Variants in HUWE1 observed in about 807,000 individuals in gnomAD.
HUWE1 encodes E3 ubiquitin-protein ligase HUWE1.
HUWE1 carries 18 observed loss-of-function variants against 299.4 expected under a neutral mutation model. That is an observed-to-expected ratio of 0.06 (90% CI 0.04 to 0.09). The LOEUF (loss-of-function observed/expected upper bound fraction) is 0.09. Among genes scored for constraint, HUWE1 ranks in the 10% least tolerant of loss-of-function variants. HUWE1 has a pLI of 1.00. For missense variants in HUWE1, 1,832 were observed against 3,462.3 expected (o/e 0.53, Z 11.82); for synonymous variants, 1,317 against 1,286.1 (o/e 1.02, Z -0.51).
At chrX:53,629,383 T>G (rs184303156) in intron 13 of HUWE1, 133 bp downstream of exon 13, 485 of 499,940 alleles carry the variant, frequency 9.7e-4, no homozygotes, top group Admixed American at 1.4e-3. Flanking sequence ...GTGTTTAAAC[T>G]TGGGTCCCAT....
At chrX:53,662,672 G>A (rs1259574680) in intron 3 of HUWE1, among the ~76,000 whole-genome samples, 4 of 112,308 alleles carry the variant, frequency 3.6e-5, no homozygotes, top group South Asian at 3.6e-4. Context: ...CAGGAAAGAC[G>A]TATGCATTAA....
intron 73 of HUWE1, 191 bp downstream of exon 73, chrX:53,543,650 C>A (rs2061441159): frequency 1.1e-5 from 7 of 653,415 alleles, no homozygotes; most frequent in Non-Finnish European, 1.6e-5. Context: ...AGCTTTAAAT[C>A]AAATCAAACC....
Position 53,608,676 on chromosome X carries a change from T to A in HUWE1, c.2319+176A>T, listed in dbSNP as rs3736424. On this transcript the variant is annotated intron_variant, in intron 24 of 83. Coordinates refer to ENST00000262854, the MANE Select transcript of HUWE1 (RefSeq NM_031407.7). ...GAATACAAAATAATGGGGCTTGTGT[T>A]GGCTAATTTCTGGCAAACCAGTCTA... is the stretch of plus-strand genomic sequence containing the variant. Among the ~76,000 whole-genome samples the A allele has an allele frequency of 1.2e-4, 13 of 112,222 alleles. No homozygotes were observed. In the East Asian group the frequency reaches 3.6e-3, roughly 31 times the overall value.
rs188204476 is a variant in HUWE1, at chrX:53,667,416, T to C, written c.-25+12633A>G. Among the ~76,000 whole-genome samples, 116 of 112,049 alleles carry C rather than the reference T, an allele frequency of 1.0e-3. No individual in the cohort carries two copies. The Middle Eastern group carries it at 0.032, about 31-fold the overall frequency. ...CTTACTGTACCCAACCGACCAAACA[T>C]CATAGCCTAGCCTACCTTAAACATG... On this transcript the variant is annotated intron_variant, in intron 3 of 83. Transcript: ENST00000262854.
chrX:53,566,133 GTATATATA>G (rs71830310), intron 49 of HUWE1, among the ~76,000 whole-genome samples: 117 of 38,972 alleles, frequency 3.0e-3, no homozygotes, highest in African/African-American at 9.6e-3. Context: ...GTGTGTGTGT[GTATATATA>G]TATATATATA....
At chrX:53,613,262 C>T (rs782400413) in intron 23 of HUWE1, among the ~76,000 whole-genome samples, 1 of 111,731 alleles carries the variant, frequency 9.0e-6, no homozygotes, top group Non-Finnish European at 1.9e-5. Flanking sequence ...TAATGCCTCT[C>T]CTTAAAACAC....
intron 25 of HUWE1, among the ~76,000 whole-genome samples, 170 bp from the exon 26 acceptor site, chrX:53,605,004 A>G (rs1556995495): frequency 8.9e-6 from 1 of 112,213 alleles, no homozygotes; most frequent in Admixed American, 9.4e-5. Context: ...AGTCAGGTAC[A>G]ACATACCTTA....
chrX:53,586,437 T>C lies in HUWE1; in HGVS notation c.4824+53A>G, dbSNP rs782598883. 8.1e-5 allele frequency: 65 copies of C among 798,734 alleles called. 1 individual carries two copies. Among genetic ancestry groups the C allele is most frequent in the Non-Finnish European group, 1.2e-4 (61 of 523,046 alleles). The allele number at this position is 798,734 out of a possible 1,213,427, so 65.8% of individuals were successfully genotyped here. On this transcript the variant is annotated intron_variant, in intron 39 of 83. Transcript: ENST00000262854. ...TCTCTCATATTCTCTTCTGGTCTAC[T>C]CTTGCCTCAGGAAGCTAAACCGTCC...
In HUWE1 at chrX:53,545,224, A is replaced by G. The variant is rs2061496141; in HGVS notation, c.10916-63T>C. Reference sequence around the variant, plus strand: ...CCCCTGGTAAAGTGGCTAAAAGCCAAATCTCTCTAAGACACCTGCTTAGGC... The same window carrying G: ...CCCCTGGTAAAGTGGCTAAAAGCCAGATCTCTCTAAGACACCTGCTTAGGC... On this transcript the variant is annotated intron_variant, in intron 70 of 83. Transcript: ENST00000262854. 3 of 1,097,797 alleles carry G rather than the reference A, an allele frequency of 2.7e-6. No homozygotes were observed. The Admixed American group carries it at 7.0e-5, about 26-fold the overall frequency. The allele number at this position is 1,097,797 out of a possible 1,213,427, so 90.5% of individuals were successfully genotyped here. A position where few individuals can be genotyped will look rare whatever the true frequency, so the allele number is the denominator to read the frequency against.
At chrX:53,646,639 C>A (rs1450589958) in intron 6 of HUWE1, among the ~76,000 whole-genome samples, 2 of 111,673 alleles carry the variant, frequency 1.8e-5, no homozygotes, top group Non-Finnish European at 3.8e-5. Flanking sequence ...TGCCTATTTA[C>A]CTCCCACTTA....
At chrX:53,535,219 G>A (rs781977726) in intron 81 of HUWE1, among the ~76,000 whole-genome samples, 165 bp downstream of exon 81, 13 of 112,237 alleles carry the variant, frequency 1.2e-4, no homozygotes, top group Middle Eastern at 4.6e-3. Context: ...ATAGGTGTGA[G>A]CCACCGTGCC....
chrX:53,645,720 GAAAA>G (rs1228305226), intron 6 of HUWE1, among the ~76,000 whole-genome samples: 7 of 24,422 alleles, frequency 2.9e-4, no homozygotes, highest in Admixed American at 8.0e-4. Context: ...CTCAAAAAAA[GAAAA>G]AAAAAAAAAA....
In HUWE1 at chrX:53,595,335, G is replaced by A; in HGVS notation, c.3232C>T (p.Pro1078Ser). ...GLLVKLCVGSPVRQRRSHHAA... is the reference protein window; with the variant it reads ...GLLVKLCVGSSVRQRRSHHAA... The stretch of plus-strand genomic sequence containing the variant: ...TGATGGCTCCTTCTCTGGCGGACAG[G>A]AGATCCCACACAAAGTTTAACAAGA... The change falls in exon 30 of 84, where the codon CCT (proline) becomes TCT (serine). Residue 1078 changes from proline (P) to serine (S), a missense_variant. By Grantham distance (74) the Pro-to-Ser change is moderately conservative. Around this residue, in one of 15 missense-constraint regions of HUWE1, gnomAD observed 658 missense variants for 1,282.6 expected, o/e 0.51. Transcript: ENST00000262854. The A allele has an allele frequency of 1.7e-6, 2 of 1,211,230 alleles. No homozygotes were observed. The highest frequency in any genetic ancestry group is 2.2e-6 in the Non-Finnish European group (2 of 895,326).
rs1395806356 is a variant in HUWE1, at chrX:53,535,409, G to A, written c.12624C>T (p.His4208=). ...VTEENKKEYV[H]LVCQMRMTGA... is the part of the protein sequence containing the mutation. ...CTGTCATTCTCATCTGGCATACCAG[G>A]TGTACATACTCCTTCTTATTCTCCT... The change falls in exon 81 of 84, where the codon CAC becomes CAT. Residue 4208 remains histidine, a synonymous_variant. Transcript: ENST00000262854. The A allele has an allele frequency of 1.7e-6, 2 of 1,191,157 alleles. No individual in the cohort carries two copies. The highest frequency in any genetic ancestry group is 2.3e-6 in the Non-Finnish European group (2 of 878,031).
intron 43 of HUWE1, 78 bp from the exon 44 acceptor site, chrX:53,577,145 G>T: frequency 1.3e-6 from 1 of 753,483 alleles, no homozygotes; most frequent in South Asian, 2.1e-5. Flanking sequence ...GACTCAGAAG[G>T]GGGCATGTAT....
chrX:53,633,058 TCAAA>T (rs1451338021), intron 8 of HUWE1, among the ~76,000 whole-genome samples: 1 of 112,773 alleles, frequency 8.9e-6, no homozygotes, highest in Admixed American at 9.4e-5. Context: ...TCATAATTCT[TCAAA>T]CACTTTCCTT....
chrX:53,615,491 G>A (rs2065750424), intron 22 of HUWE1, among the ~76,000 whole-genome samples: 1 of 111,299 alleles, frequency 9.0e-6, no homozygotes, highest in Non-Finnish European at 1.9e-5. Context: ...GCCTCCCAAA[G>A]TGCCAGGATT....
intron 19 of HUWE1, among the ~76,000 whole-genome samples, chrX:53,621,650 A>G (rs2066154097): frequency 9.1e-6 from 1 of 109,826 alleles, no homozygotes; most frequent in Non-Finnish European, 1.9e-5. Context: ...CACTTTCACT[A>G]TTTACACTCT....
intron 3 of HUWE1, among the ~76,000 whole-genome samples, chrX:53,670,146 G>A (rs2069446713): frequency 9.0e-6 from 1 of 111,722 alleles, no homozygotes; most frequent in East Asian, 2.8e-4. Flanking sequence ...TCAGAAAGTA[G>A]TAACTACGGT....
Sources: gnomAD v4.1 joint callset for allele counts (sites outside exome capture counted in the v4.1 genomes callset) on GRCh38, gnomAD v4.1.1 for gene constraint, gnomAD v4.1.1 regional missense constraint, MANE v1.5 for transcripts, NCBI Gene and HGNC (gene_info 2026-07-23, HGNC 2026-07-21) for gene names.